The following PRKCA variants were observed in gnomAD, a reference collection of about 807,000 sequenced individuals.
The protein encoded by PRKCA is protein kinase C alpha.
Under a neutral mutation model 87.0 loss-of-function variants are expected in PRKCA, and 27 were observed. That is an observed-to-expected ratio of 0.31 (90% confidence interval 0.23 to 0.43). The LOEUF (loss-of-function observed/expected upper bound fraction) is 0.43, where lower values mean the gene tolerates loss of function less well. Among genes scored for constraint, PRKCA ranks in the 20% least tolerant of loss-of-function variants. The pLI, the probability that PRKCA is intolerant of heterozygous loss-of-function variation, is 1.00. For missense variants in PRKCA, 518 were observed against 852.3 expected, an observed-to-expected ratio of 0.61 and a Z score of 4.88; for synonymous variants, 329 against 311.1, an observed-to-expected ratio of 1.06 and a Z score of -0.61.
At chr17:66,439,457 G>A (rs370412779) in intron 2 of PRKCA, among the ~76,000 whole-genome samples, 3 of 152,222 alleles carry the variant, frequency 2.0e-5, no homozygotes, top group East Asian at 3.8e-4. Flanking sequence ...TGGGATTACA[G>A]GCATGAGCCA....
intron 2 of PRKCA, among the ~76,000 whole-genome samples, chr17:66,361,945 TAG>T (rs1265259998): frequency 6.6e-6 from 1 of 152,246 alleles, no homozygotes; most frequent in Admixed American, 6.5e-5. Flanking sequence ...AGCCTTGCTA[TAG>T]AGGCCATGGT....
At chr17:66,670,878 A>C (rs1174600484) in intron 5 of PRKCA, among the ~76,000 whole-genome samples, 1 of 152,028 alleles carries the variant, frequency 6.6e-6, no homozygotes, top group African/African-American at 2.4e-5. Context: ...AAATTTAAAA[A>C]AATTATAGAA....
chr17:66,549,417 C>A (rs1281633367), intron 3 of PRKCA, among the ~76,000 whole-genome samples: 2 of 152,118 alleles, frequency 1.3e-5, no homozygotes, highest in African/African-American at 4.8e-5. Flanking sequence ...CAGGTTGCTC[C>A]CTTCTGCCAT....
At chr17:66,621,897 A>T (rs1460192827) in intron 3 of PRKCA, among the ~76,000 whole-genome samples, 1 of 152,208 alleles carries the variant, frequency 6.6e-6, no homozygotes, top group Non-Finnish European at 1.5e-5. Context: ...GCAAGAAGAA[A>T]AGGGTCTTTA....
intron 9 of PRKCA, among the ~76,000 whole-genome samples, chr17:66,735,147 T>A (rs1311643523): frequency 6.6e-6 from 1 of 152,204 alleles, no homozygotes; most frequent in Non-Finnish European, 1.5e-5. Flanking sequence ...GTCAGTCAGC[T>A]TTCACTCTAA....
At chr17:66,338,199 A>G (rs563641886) in intron 2 of PRKCA, among the ~76,000 whole-genome samples, 1 of 152,178 alleles carries the variant, frequency 6.6e-6, no homozygotes, top group African/African-American at 2.4e-5. Flanking sequence ...ATTTTACACC[A>G]TGCTTGAGGC....
intron 3 of PRKCA, among the ~76,000 whole-genome samples, chr17:66,562,218 A>G (rs1352459059): frequency 1.5e-5 from 2 of 136,836 alleles, no homozygotes; most frequent in African/African-American, 2.8e-5. Context: ...TAATTAAATT[A>G]TATATAATTA....
intron 2 of PRKCA, among the ~76,000 whole-genome samples, chr17:66,375,791 ACTC>A (rs1241753917): frequency 6.6e-6 from 1 of 151,954 alleles, no homozygotes. Flanking sequence ...GCTCATAAAC[ACTC>A]TGGTTCACAG....
intron 2 of PRKCA, among the ~76,000 whole-genome samples, chr17:66,387,942 A>T (rs7217881): frequency 6.6e-6 from 1 of 152,134 alleles, no homozygotes; most frequent in Non-Finnish European, 1.5e-5. Flanking sequence ...CCCCGGGTCC[A>T]TTCCCAACTG....
chr17:66,413,900 G>C (rs938867611), intron 2 of PRKCA, among the ~76,000 whole-genome samples: 1 of 151,908 alleles, frequency 6.6e-6, no homozygotes, highest in Admixed American at 6.6e-5. Context: ...TGTAATCTCA[G>C]CTACTGGGGA....
At chr17:66,794,824 A>G (rs1975629313) in intron 16 of PRKCA, among the ~76,000 whole-genome samples, 1 of 151,908 alleles carries the variant, frequency 6.6e-6, no homozygotes, top group East Asian at 1.9e-4. Flanking sequence ...GGGTTTTGCC[A>G]TGTTGGCCAG....
chr17:66,466,002 G>A (rs1331071794), intron 2 of PRKCA, among the ~76,000 whole-genome samples: 2 of 152,032 alleles, frequency 1.3e-5, no homozygotes, highest in South Asian at 2.1e-4. Flanking sequence ...CTTCTGTAGG[G>A]CTATATAGTT....
chr17:66,772,099 G>C (rs1457067430), intron 13 of PRKCA, among the ~76,000 whole-genome samples: 1 of 152,096 alleles, frequency 6.6e-6, no homozygotes, highest in Non-Finnish European at 1.5e-5. Context: ...TGTATCAAAG[G>C]TTATAAAAAT....
rs73334739 is a variant in PRKCA, at chr17:66,485,507, T to A, written c.206-10694T>A. Among the ~76,000 whole-genome samples the A allele has an allele frequency of 1.7e-3, 259 of 152,320 alleles. 1 individual carries two copies. Among genetic ancestry groups the A allele is most frequent in the African/African-American group, 6.0e-3 (248 of 41,572 alleles). On this transcript the variant is annotated intron_variant, in intron 2 of 16. Coordinates refer to ENST00000413366, the MANE Select transcript of PRKCA (RefSeq NM_002737.3). ...ATTCTTCATTTGCATTACGTGAGAATCGAAGCCTGAGTTCTGAGTATTTTG... is the reference window on the plus strand; with the variant it reads ...ATTCTTCATTTGCATTACGTGAGAAACGAAGCCTGAGTTCTGAGTATTTTG...
intron 2 of PRKCA, among the ~76,000 whole-genome samples, chr17:66,453,463 G>A (rs1278993489): frequency 2.0e-5 from 3 of 151,842 alleles, no homozygotes; most frequent in South Asian, 2.1e-4. Context: ...GATTACAGGC[G>A]CCCGCCACCA....
intron 3 of PRKCA, among the ~76,000 whole-genome samples, chr17:66,532,369 T>A (rs1000773192): frequency 2.0e-5 from 3 of 146,970 alleles, no homozygotes; most frequent in South Asian, 4.4e-4. Flanking sequence ...TTATTTTATT[T>A]TTTTATTTTT....
intron 14 of PRKCA, chr17:66,777,324 T>C: frequency 1.0e-6 from 1 of 985,300 alleles, no homozygotes; most frequent in African/African-American, 1.7e-5. Flanking sequence ...CTTGTAGACA[T>C]TGAAAGACAT....
intron 2 of PRKCA, among the ~76,000 whole-genome samples, chr17:66,319,182 C>A (rs950679685): frequency 1.3e-5 from 2 of 152,068 alleles, no homozygotes; most frequent in Non-Finnish European, 2.9e-5. Flanking sequence ...GGTGGTCTGC[C>A]ATGAATCTAA....
At chr17:66,513,831 G>C (rs929720058) in intron 3 of PRKCA, among the ~76,000 whole-genome samples, 1 of 152,208 alleles carries the variant, frequency 6.6e-6, no homozygotes, top group African/African-American at 2.4e-5. Flanking sequence ...CAGAGTTAGT[G>C]TAGGGGAACA....
Sources: allele counts gnomAD v4.1 joint callset (sites outside exome capture counted in the v4.1 genomes callset), GRCh38; gene constraint gnomAD v4.1.1; transcripts MANE v1.5; gene names NCBI Gene and HGNC (gene_info 2026-07-23, HGNC 2026-07-21).